Variants in RP1 observed in about 807,000 individuals in gnomAD.
RP1 encodes RP1 axonemal microtubule associated, also known as oxygen-regulated protein 1.
A neutral mutation model predicts 14.8 loss-of-function variants in RP1; 16 were observed. The observed-to-expected ratio is 1.08, with a 90% CI of 0.73 to 1.65. RP1 has a LOEUF of 1.65. Among genes scored for constraint, RP1 ranks in the 40% most tolerant of loss-of-function variants. RP1 has a pLI of 0.00. For synonymous variants in RP1, 876 were observed against 883.6 expected, an observed-to-expected ratio of 0.99 and a Z score of 0.15; for missense variants, 2,631 against 2,535.0, an observed-to-expected ratio of 1.04 and a Z score of -0.81.
intron 2 of RP1, 135 bp downstream of exon 2, chr8:54,621,716 C>T (rs1805884891): frequency 2.3e-6 from 3 of 1,278,370 alleles, no homozygotes; most frequent in Admixed American, 3.6e-5. Flanking sequence ...AGTGTGTGTG[C>T]TCCGATGCTG....
chr8:54,652,346 A>G (rs984707580), intron 4 of RP1, among the ~76,000 whole-genome samples: 9 of 152,102 alleles, frequency 5.9e-5, no homozygotes, highest in Non-Finnish European at 1.2e-4. Context: ...GATACTCTGT[A>G]TGATTTGTCT....
chr8:54,639,613 T>A (rs1032104901), intron 3 of RP1, among the ~76,000 whole-genome samples: 1 of 152,192 alleles, frequency 6.6e-6, no homozygotes, highest in African/African-American at 2.4e-5. Flanking sequence ...ACCAGTGTGT[T>A]TACTTTCTGC....
chr8:54,777,916 T>C (rs1053528146), intron 23 of RP1, among the ~76,000 whole-genome samples: 1 of 152,184 alleles, frequency 6.6e-6, no homozygotes, highest in African/African-American at 2.4e-5. Flanking sequence ...GTGTGAAAAA[T>C]GACACTAATG....
At chr8:54,588,478 G>A (rs1295462603) in intron 1 of RP1, among the ~76,000 whole-genome samples, 1 of 152,192 alleles carries the variant, frequency 6.6e-6, no homozygotes, top group Non-Finnish European at 1.5e-5. Flanking sequence ...TGCAATATTA[G>A]GATCTCACCA....
intron 15 of RP1, among the ~76,000 whole-genome samples, chr8:54,710,126 G>T (rs1399861855): frequency 1.3e-5 from 2 of 152,148 alleles, no homozygotes; most frequent in African/African-American, 2.4e-5. Context: ...GACACAAGGG[G>T]GCTTAGACGA....
intron 15 of RP1, among the ~76,000 whole-genome samples, chr8:54,706,806 G>A (rs1280720088): frequency 6.6e-6 from 1 of 152,280 alleles, no homozygotes; most frequent in East Asian, 1.9e-4. Context: ...GAGGAGAGCA[G>A]CCACATGCCT....
At chr8:54,866,137 T>A (rs975287901) in intron 28 of RP1, among the ~76,000 whole-genome samples, 3 of 152,174 alleles carry the variant, frequency 2.0e-5, no homozygotes, top group African/African-American at 4.8e-5. Context: ...GAAAAAAGTA[T>A]GGTGAAATGG....
At chr8:54,847,531 C>T (rs999581124) in intron 25 of RP1, among the ~76,000 whole-genome samples, 4 of 152,208 alleles carry the variant, frequency 2.6e-5, no homozygotes, top group Non-Finnish European at 4.4e-5. Flanking sequence ...TTTGTTCTGG[C>T]TGCGTTCATT....
At chr8:54,619,867 AC>A (rs1208781651) in intron 1 of RP1, among the ~76,000 whole-genome samples, 2 of 152,258 alleles carry the variant, frequency 1.3e-5, no homozygotes, top group Non-Finnish European at 2.9e-5. Context: ...TCTATGTGAT[AC>A]ATTCCTCCTA....
intron 17 of RP1, among the ~76,000 whole-genome samples, chr8:54,733,158 G>T (rs1030396683): frequency 6.6e-6 from 1 of 152,148 alleles, no homozygotes; most frequent in African/African-American, 2.4e-5. Flanking sequence ...AAGTGCAGGT[G>T]CGTTGCAGTT....
chr8:54,673,253 A>G (rs899863651), intron 7 of RP1, among the ~76,000 whole-genome samples: 4 of 152,212 alleles, frequency 2.6e-5, no homozygotes, highest in Admixed American at 2.6e-4. Context: ...AATACACTAT[A>G]CAAAGGTTAT....
At chr8:54,805,050 A>T (rs1175752374) in intron 24 of RP1, among the ~76,000 whole-genome samples, 4 of 152,192 alleles carry the variant, frequency 2.6e-5, no homozygotes, top group Admixed American at 6.5e-5. Context: ...TCTGACTTTC[A>T]TCAGCATCTG....
chr8:54,816,257 T>C (rs1811130117), intron 24 of RP1, among the ~76,000 whole-genome samples: 2 of 152,150 alleles, frequency 1.3e-5, no homozygotes, highest in African/African-American at 4.8e-5. Context: ...AGGGGCAAAA[T>C]TAAGAACCCA....
intron 19 of RP1, among the ~76,000 whole-genome samples, chr8:54,743,982 C>T (rs2129360874): frequency 6.6e-6 from 1 of 152,192 alleles, no homozygotes; most frequent in East Asian, 1.9e-4. Flanking sequence ...TTTTTCATTC[C>T]TCTCTTGGAA....
chr8:54,581,180 G>A (rs1358307202), intron 1 of RP1, among the ~76,000 whole-genome samples: 11 of 133,096 alleles, frequency 8.3e-5, no homozygotes, highest in African/African-American at 1.4e-4. Context: ...AACAGGCCCC[G>A]GTGTGTGATG....
chr8:54,846,914 C>T (rs944566270), intron 25 of RP1, among the ~76,000 whole-genome samples: 4 of 152,162 alleles, frequency 2.6e-5, no homozygotes, highest in African/African-American at 9.7e-5. Flanking sequence ...CTGTGCCACC[C>T]TAGCTAGAAA....
chr8:54,769,052 C>T (rs190864018), intron 22 of RP1, among the ~76,000 whole-genome samples: 143 of 152,108 alleles, frequency 9.4e-4, no homozygotes, highest in African/African-American at 3.2e-3. Context: ...CCCACCACCA[C>T]GCCCAGCTAA....
At position 54,581,017 on chromosome 8, in the gene RP1, T is replaced by A. The variant is rs7015166; in HGVS notation, c.-13+21697T>A. ...ATTTATTTATCTATTTATTTTTTTT[T>A]ATTATACTTTAAGTTTTAAGGTATA... On this transcript the variant is annotated intron_variant, in intron 1 of 22. Coordinates refer to the RP1 transcript ENST00000636932. Among the ~76,000 whole-genome samples, 400 of 152,124 alleles carry A rather than the reference T, an allele frequency of 2.6e-3. 3 individuals are homozygous for A. The highest frequency in any genetic ancestry group is 9.2e-3 in the African/African-American group (383 of 41,554).
At chr8:54,813,619 G>A (rs911919635) in intron 24 of RP1, among the ~76,000 whole-genome samples, 9 of 152,076 alleles carry the variant, frequency 5.9e-5, no homozygotes, top group South Asian at 2.1e-4. Flanking sequence ...ATCTAATTCC[G>A]TGGAAATATT....
Sources: gnomAD v4.1 joint callset for allele counts (sites outside exome capture counted in the v4.1 genomes callset) on GRCh38, gnomAD v4.1.1 for gene constraint, MANE v1.5 for transcripts, NCBI Gene and HGNC (gene_info 2026-07-23, HGNC 2026-07-21) for gene names.